The following CBFA2T2 variants were observed in gnomAD, a reference collection of about 807,000 sequenced individuals.
The protein encoded by CBFA2T2 is protein CBFA2T2.
Under a neutral mutation model 62.2 loss-of-function variants are expected in CBFA2T2, and 11 were observed. The observed-to-expected ratio is 0.18, with a 90% CI of 0.11 to 0.29. The LOEUF (loss-of-function observed/expected upper bound fraction) is 0.29, where lower values mean the gene tolerates loss of function less well. CBFA2T2 is among the 10% of genes least tolerant of loss of function. The pLI, the probability that CBFA2T2 is intolerant of heterozygous loss-of-function variation, is 1.00. For missense variants in CBFA2T2, 592 were observed against 774.1 expected, an observed-to-expected ratio of 0.76 and a Z score of 2.79; for synonymous variants, 295 against 287.5, an observed-to-expected ratio of 1.03 and a Z score of -0.27.
Position 33,588,941 on chromosome 20 carries a change from C to CAAAAAT in CBFA2T2, c.35-17997_35-17992dup, listed in dbSNP as rs577294154. ...TGGAGGACAGAGTGAGACTTCCCCT[C>CAAAAAT]AAAAATAAAAATAAAAATAAAAACA... On this transcript the variant is annotated intron_variant, in intron 1 of 10. Transcript: ENST00000342704. 4.1e-3 allele frequency among the ~76,000 whole-genome samples: 619 copies of CAAAAAT among 150,914 alleles called. 4 individuals carry two copies. The highest frequency in any genetic ancestry group is 0.014 in the African/African-American group (574 of 40,998).
intron 4 of CBFA2T2, 100 bp downstream of exon 4, chr20:33,619,706 T>C (rs2015860981): frequency 2.5e-6 from 2 of 792,924 alleles, no homozygotes; most frequent in Non-Finnish European, 4.0e-6. Flanking sequence ...GCCACGTTTT[T>C]AGATCTTTAT....
chr20:33,539,228 C>G (rs2146876653), intron 1 of CBFA2T2, among the ~76,000 whole-genome samples: 1 of 152,294 alleles, frequency 6.6e-6, no homozygotes, highest in South Asian at 2.1e-4. Context: ...AACACAAGAA[C>G]TTTACAATAT....
chr20:33,619,432 T>TAA (rs113267413), intron 3 of CBFA2T2, 85 bp from the exon 4 acceptor site: 1,813 of 511,878 alleles, frequency 3.5e-3, no homozygotes, highest in South Asian at 4.1e-3. Context: ...TAAATAACAT[T>TAA]AAAAAAAAAA....
intron 1 of CBFA2T2, among the ~76,000 whole-genome samples, chr20:33,591,578 G>T (rs1343911677): frequency 6.6e-6 from 1 of 152,054 alleles, no homozygotes; most frequent in Non-Finnish European, 1.5e-5. Flanking sequence ...TAAAAAGAAT[G>T]GTTTGAACTC....
chr20:33,644,921 T>G lies in CBFA2T2; in HGVS notation c.*275T>G, dbSNP rs1346180584. On this transcript the variant is annotated 3_prime_UTR_variant, in exon 11 of 11. Transcript: ENST00000342704. ...TGTTCCTCTCTCCACTGAAGCTGAC[T>G]TAGCCGGCCCCTTTTCAGTGTAGAC... The G allele has an allele frequency of 1.9e-5, 8 of 432,270 alleles. No individual in the cohort carries two copies. The highest frequency in any genetic ancestry group is 1.4e-4 in the African/African-American group (7 of 49,642). The allele number at this position is 432,270 out of a possible 1,614,324, so 26.8% of individuals were successfully genotyped here. A position where few individuals can be genotyped will look rare whatever the true frequency, so the allele number is the denominator to read the frequency against.
chr20:33,627,936 T>C (rs910363319), intron 6 of CBFA2T2, among the ~76,000 whole-genome samples: 1 of 152,222 alleles, frequency 6.6e-6, no homozygotes, highest in African/African-American at 2.4e-5. Flanking sequence ...TTTAAGTTAC[T>C]GATAATATTA....
intron 1 of CBFA2T2, among the ~76,000 whole-genome samples, chr20:33,510,412 G>C (rs1167037079): frequency 6.6e-6 from 1 of 151,326 alleles, no homozygotes; most frequent in Non-Finnish European, 1.5e-5. Flanking sequence ...CGGGGTTTCA[G>C]TTGTTAGCCA....
At chr20:33,537,288 C>A (rs919250231) in intron 1 of CBFA2T2, among the ~76,000 whole-genome samples, 1 of 152,262 alleles carries the variant, frequency 6.6e-6, no homozygotes, top group African/African-American at 2.4e-5. Flanking sequence ...AGCTGGAGAC[C>A]AGCCCGGCCA....
intron 1 of CBFA2T2, among the ~76,000 whole-genome samples, chr20:33,519,956 GACCA>G (rs1388267894): frequency 1.3e-5 from 2 of 152,036 alleles, no homozygotes; most frequent in Non-Finnish European, 2.9e-5. Context: ...AGACCAGCCT[GACCA>G]ATGTGGAAGA....
At chr20:33,575,227 C>T (rs2013768894) in intron 1 of CBFA2T2, among the ~76,000 whole-genome samples, 1 of 152,202 alleles carries the variant, frequency 6.6e-6, no homozygotes, top group African/African-American at 2.4e-5. Context: ...TTCTAGTCAA[C>T]AGTAGGTGAA....
chr20:33,642,155 TGTGTGTGTGG>T (rs2016882635), intron 10 of CBFA2T2, among the ~76,000 whole-genome samples: 2 of 146,378 alleles, frequency 1.4e-5, no homozygotes, highest in African/African-American at 5.2e-5. Flanking sequence ...TGTGTGTGTG[TGTGTGTGTGG>T]ATAACAGGGT....
intron 5 of CBFA2T2, among the ~76,000 whole-genome samples, chr20:33,624,251 A>G (rs566671528): frequency 4.6e-5 from 7 of 150,884 alleles, no homozygotes; most frequent in South Asian, 2.1e-4. Flanking sequence ...AAAAAAAAAA[A>G]AAAAGAAAAT....
At chr20:33,624,738 G>C (rs1223310329) in intron 5 of CBFA2T2, 26 bp from the exon 6 acceptor site, 6 of 1,612,074 alleles carry the variant, frequency 3.7e-6, no homozygotes, top group Middle Eastern at 3.3e-4. Flanking sequence ...GACAGGATCA[G>C]ATACGCACTT....
At chr20:33,541,449 G>A (rs1050750629) in intron 1 of CBFA2T2, among the ~76,000 whole-genome samples, 6 of 152,192 alleles carry the variant, frequency 3.9e-5, no homozygotes, top group African/African-American at 1.2e-4. Flanking sequence ...TTGACGAGTC[G>A]TATAACTGAG....
intron 1 of CBFA2T2, among the ~76,000 whole-genome samples, chr20:33,584,328 C>T (rs1445973747): frequency 2.7e-5 from 4 of 145,602 alleles, no homozygotes; most frequent in Non-Finnish European, 6.0e-5. Flanking sequence ...TACAGTGATG[C>T]GATCTTGGCT....
intron 1 of CBFA2T2, among the ~76,000 whole-genome samples, chr20:33,588,205 A>T (rs1244304938): frequency 1.3e-5 from 2 of 152,112 alleles, no homozygotes; most frequent in East Asian, 1.9e-4. Context: ...CTTTATTATT[A>T]TTTTTTGTGT....
At chr20:33,604,130 T>A (rs1369526876) in intron 1 of CBFA2T2, among the ~76,000 whole-genome samples, 1 of 152,200 alleles carries the variant, frequency 6.6e-6, no homozygotes, top group Non-Finnish European at 1.5e-5. Context: ...TGAGTTTCCA[T>A]GGATAAATTG....
intron 1 of CBFA2T2, among the ~76,000 whole-genome samples, chr20:33,515,605 C>T (rs1296093872): frequency 1.3e-5 from 2 of 151,568 alleles, no homozygotes; most frequent in Non-Finnish European, 2.9e-5. Context: ...AGTTTGAGAC[C>T]AGCCTGACAA....
intron 1 of CBFA2T2, among the ~76,000 whole-genome samples, chr20:33,587,423 C>G (rs943983809): frequency 6.6e-6 from 1 of 152,132 alleles, no homozygotes; most frequent in Non-Finnish European, 1.5e-5. Flanking sequence ...CCTGCCACAA[C>G]GCCCGGCTAA....
Sources: gnomAD v4.1 joint callset for allele counts (sites outside exome capture counted in the v4.1 genomes callset) on GRCh38, gnomAD v4.1.1 for gene constraint, MANE v1.5 for transcripts, NCBI Gene and HGNC (gene_info 2026-07-23, HGNC 2026-07-21) for gene names.